FSTL5: variants seen among roughly 807,000 people sequenced by gnomAD.
FSTL5 encodes follistatin-related protein 5.
Under a neutral mutation model 89.1 loss-of-function variants are expected in FSTL5, and 62 were observed. That is an observed-to-expected ratio of 0.70 (90% CI 0.57 to 0.86). The LOEUF is 0.86. FSTL5 is among the 40% of genes least tolerant of loss of function. FSTL5 has a pLI of 0.00. For missense variants in FSTL5, 1,057 were observed against 1,001.6 expected, an observed-to-expected ratio of 1.06 and a Z score of -0.75; for synonymous variants, 383 against 346.2, an observed-to-expected ratio of 1.11 and a Z score of -1.18.
chr4:161,525,126 A>G (rs559341244), intron 10 of FSTL5, among the ~76,000 whole-genome samples: 1 of 152,162 alleles, frequency 6.6e-6, no homozygotes, highest in African/African-American at 2.4e-5. Flanking sequence ...TTGTGTGCAT[A>G]TTAACAGCAA....
At chr4:161,994,904 A>G (rs1285200391) in intron 3 of FSTL5, among the ~76,000 whole-genome samples, 1 of 151,964 alleles carries the variant, frequency 6.6e-6, no homozygotes, top group Non-Finnish European at 1.5e-5. Context: ...CCATTTGTCA[A>G]TTTTTGCTTT....
chr4:161,935,388 A>G (rs1367981004), intron 3 of FSTL5, among the ~76,000 whole-genome samples: 1 of 152,112 alleles, frequency 6.6e-6, no homozygotes, highest in Non-Finnish European at 1.5e-5. Context: ...AAAAGGTCAA[A>G]CACCTGTGAT....
chr4:161,513,717 C>T (rs569282746), intron 10 of FSTL5, among the ~76,000 whole-genome samples: 39 of 152,200 alleles, frequency 2.6e-4, no homozygotes, highest in Non-Finnish European at 3.7e-4. Flanking sequence ...GGCCATTATC[C>T]TTAGCAAACT....
At chr4:161,987,415 C>T (rs1735993478) in intron 3 of FSTL5, among the ~76,000 whole-genome samples, 1 of 149,410 alleles carries the variant, frequency 6.7e-6, no homozygotes, top group African/African-American at 2.4e-5. Flanking sequence ...TCTTCAACTA[C>T]AACTACAAGC....
chr4:162,057,022 A>G (rs1436180965), intron 2 of FSTL5, among the ~76,000 whole-genome samples: 1 of 152,236 alleles, frequency 6.6e-6, no homozygotes, highest in Non-Finnish European at 1.5e-5. Context: ...GTGTCTTCAC[A>G]GGAGTGTGAT....
chr4:162,084,439 T>G (rs1730226030), intron 2 of FSTL5, among the ~76,000 whole-genome samples: 1 of 152,008 alleles, frequency 6.6e-6, no homozygotes, highest in Admixed American at 6.6e-5. Flanking sequence ...AGTATAAAAC[T>G]ACAACAACAA....
Position 161,481,140 on chromosome 4 carries a change from A to G in FSTL5, c.1488T>C (p.Asp496=), listed in dbSNP as rs760462038. ...ATGCCCACACACACCTCTGAACTTC[A>G]TCTCCCTCAGCTTTGGGACAGACTT... ...QDEVCPKAEG[D]EVQRCVWASA... is the part of the protein sequence containing the mutation. Residue 496 remains aspartate (D), a synonymous_variant, in exon 13 of 16, where the codon GAT becomes GAC. Transcript: ENST00000306100. The G allele has an allele frequency of 2.0e-5, 32 of 1,611,188 alleles. No individual in the cohort carries two copies. The highest frequency in any genetic ancestry group is 1.5e-4 in the South Asian group (14 of 90,532).
chr4:161,537,476 TCCAAACAATTCGGCTATCATAAAAA>T (rs1731662178), intron 10 of FSTL5, among the ~76,000 whole-genome samples: 1 of 152,140 alleles, frequency 6.6e-6, no homozygotes, highest in Non-Finnish European at 1.5e-5. Context: ...TAGTTTGAGT[TCCAAACAATTCGGCTATCATAAAAA>T]GCAATCCATC....
intron 2 of FSTL5, among the ~76,000 whole-genome samples, chr4:162,083,702 A>T (rs1046349899): frequency 1.3e-5 from 2 of 151,978 alleles, no homozygotes; most frequent in East Asian, 3.9e-4. Flanking sequence ...AAATATTATC[A>T]AAACATCAAT....
At chr4:161,624,825 A>G (rs979139667) in intron 7 of FSTL5, among the ~76,000 whole-genome samples, 3 of 152,158 alleles carry the variant, frequency 2.0e-5, no homozygotes, top group Non-Finnish European at 4.4e-5. Flanking sequence ...CAACCAGTAT[A>G]TGTTTTGTAG....
intron 7 of FSTL5, among the ~76,000 whole-genome samples, chr4:161,621,914 T>C (rs1238756707): frequency 6.6e-6 from 1 of 151,542 alleles, no homozygotes; most frequent in Non-Finnish European, 1.5e-5. Flanking sequence ...AGGAGGATCC[T>C]TGAACCCAGG....
intron 4 of FSTL5, among the ~76,000 whole-genome samples, chr4:161,870,463 T>C (rs1297226559): frequency 6.6e-6 from 1 of 152,140 alleles, no homozygotes; most frequent in Admixed American, 6.6e-5. Context: ...TAGCCTAATT[T>C]AATCTTGGCT....
chr4:161,906,707 C>G (rs78730696), intron 4 of FSTL5, among the ~76,000 whole-genome samples: 7,070 of 152,178 alleles, frequency 0.046, 209 homozygotes, highest in Non-Finnish European at 0.07. Flanking sequence ...TGATGACCTG[C>G]AGTCAAATAC....
At chr4:161,466,081 A>C (rs1733739616) in intron 13 of FSTL5, among the ~76,000 whole-genome samples, 2 of 152,186 alleles carry the variant, frequency 1.3e-5, no homozygotes, top group African/African-American at 4.8e-5. Context: ...TGTTAACATA[A>C]AATATATAGT....
intron 6 of FSTL5, among the ~76,000 whole-genome samples, chr4:161,673,321 C>T (rs1737185252): frequency 6.6e-6 from 1 of 151,934 alleles, no homozygotes; most frequent in South Asian, 2.1e-4. Flanking sequence ...TAAAAGTTTT[C>T]AAACTTTTAT....
At chr4:161,482,688 A>T (rs534800833) in intron 12 of FSTL5, among the ~76,000 whole-genome samples, 1 of 152,330 alleles carries the variant, frequency 6.6e-6, no homozygotes, top group East Asian at 1.9e-4. Context: ...CTCAGGCTGC[A>T]TAACCATCAT....
chr4:161,957,904 A>G (rs969443094), intron 3 of FSTL5, among the ~76,000 whole-genome samples: 1 of 152,058 alleles, frequency 6.6e-6, no homozygotes, highest in Non-Finnish European at 1.5e-5. Flanking sequence ...ATGCTGATTT[A>G]TAGTGTTTTC....
intron 4 of FSTL5, among the ~76,000 whole-genome samples, chr4:161,893,979 T>C (rs1733073126): frequency 6.6e-6 from 1 of 152,224 alleles, no homozygotes; most frequent in South Asian, 2.1e-4. Context: ...CCTGAAGACC[T>C]GGAATTTTGC....
At chr4:161,855,170 T>C (rs893348125) in intron 4 of FSTL5, among the ~76,000 whole-genome samples, 55 of 152,068 alleles carry the variant, frequency 3.6e-4, no homozygotes, top group African/African-American at 1.3e-3. Flanking sequence ...TAGGGGTAAA[T>C]TAATTATATT....
Sources: gnomAD v4.1 joint callset for allele counts (sites outside exome capture counted in the v4.1 genomes callset) on GRCh38, gnomAD v4.1.1 for gene constraint, MANE v1.5 for transcripts, NCBI Gene and HGNC (gene_info 2026-07-23, HGNC 2026-07-21) for gene names.